The following UNC119B variants were observed in gnomAD, a reference collection of about 807,000 sequenced individuals.
UNC119B encodes unc-119 lipid binding chaperone B, also known as protein unc-119 homolog B.
In UNC119B, 16 loss-of-function variants were observed where a neutral mutation model predicts 23.4. The observed-to-expected ratio is 0.68, with a 90% CI of 0.46 to 1.04. The LOEUF (loss-of-function observed/expected upper bound fraction) is 1.04, where lower values mean the gene tolerates loss of function less well. Ranked by LOEUF, UNC119B falls within the 50% of genes least tolerant of loss-of-function variation. UNC119B has a pLI of 0.00. For missense variants in UNC119B, 350 were observed against 361.3 expected (o/e 0.97, Z 0.25); for synonymous variants, 144 against 145.4 (o/e 0.99, Z 0.07).
At chr12:120,715,550 T>G (rs1175089674) in intron 2 of UNC119B, among the ~76,000 whole-genome samples, 10 of 68,946 alleles carry the variant, frequency 1.5e-4, no homozygotes, top group African/African-American at 5.3e-4. Flanking sequence ...TTTTTTTTTT[T>G]GAGACGGAGT....
rs961316820 is a variant in UNC119B at position 120,723,384 on chromosome 12, G to A, written c.*3352G>A. ...CCTCAAGAAGGATTTGGTGGAGGTGGATTTACCACTGGTTTTACAAAGGAC... is the reference window on the plus strand; with the variant it reads ...CCTCAAGAAGGATTTGGTGGAGGTGAATTTACCACTGGTTTTACAAAGGAC... On this transcript the variant is annotated 3_prime_UTR_variant, in exon 5 of 5. Transcript: ENST00000344651. The A allele has an allele frequency of 2.0e-5, 3 of 152,838 alleles. No homozygotes were observed. Among genetic ancestry groups the A allele is most frequent in the African/African-American group, 7.2e-5 (3 of 41,436 alleles). The allele number at this position is 152,838 out of a possible 1,614,324, so 9.5% of individuals were successfully genotyped here. A position where few individuals can be genotyped will look rare whatever the true frequency, so the allele number is the denominator to read the frequency against.
intron 4 of UNC119B, among the ~76,000 whole-genome samples, chr12:120,717,565 T>G (rs1470176344): frequency 6.6e-6 from 1 of 151,070 alleles, no homozygotes; most frequent in Non-Finnish European, 1.5e-5. Context: ...CCCTTTTGTT[T>G]TTTTCTTTTT....
rs1882634778 is a variant in UNC119B, at chr12:120,710,506, C to A, written c.32C>A (p.Ala11Glu). Residue 11 changes from alanine (A) to glutamate (E), a missense_variant, in exon 1 of 5, where the codon GCG becomes GAG. By Grantham distance (107) the Ala-to-Glu change is moderately radical. Transcript: ENST00000344651. MSGSNPKAAA[A>E]ASAAGPGGLV... is the part of the protein sequence containing the mutation. ...GGGTCTAACCCGAAGGCTGCGGCCGCGGCGTCGGCGGCTGGGCCCGGGGGG... is the reference window on the plus strand; with the variant it reads ...GGGTCTAACCCGAAGGCTGCGGCCGAGGCGTCGGCGGCTGGGCCCGGGGGG... 2 of 1,355,838 alleles carry A rather than the reference C, an allele frequency of 1.5e-6. No individual in the cohort carries two copies. The highest frequency in any genetic ancestry group is 3.8e-5 in the Admixed American group (1 of 26,484). The allele number at this position is 1,355,838 out of a possible 1,614,324, so 84.0% of individuals were successfully genotyped here. A position where few individuals can be genotyped will look rare whatever the true frequency, so the allele number is the denominator to read the frequency against.
intron 2 of UNC119B, among the ~76,000 whole-genome samples, chr12:120,714,160 T>C (rs1882723069): frequency 6.6e-6 from 1 of 152,152 alleles, no homozygotes; most frequent in Admixed American, 6.5e-5. Flanking sequence ...TACTTTGCAG[T>C]GTTTCTCATC....
At chr12:120,712,956 G>A (rs1419105265) in intron 1 of UNC119B, among the ~76,000 whole-genome samples, 1 of 152,182 alleles carries the variant, frequency 6.6e-6, no homozygotes, top group South Asian at 2.1e-4. Context: ...TAAAAAGTTC[G>A]CCCTGTTCTG....
At position 120,722,996 on chromosome 12, in the gene UNC119B, G is replaced by C. The variant is rs919748695; in HGVS notation, c.*2964G>C. Reference sequence around the variant, plus strand: ...CCATAAACTGGAAATTTGTGAAATGGCAGTGATTGGGCAATCTTCAGTTTA... The same window carrying C: ...CCATAAACTGGAAATTTGTGAAATGCCAGTGATTGGGCAATCTTCAGTTTA... On this transcript the variant is annotated 3_prime_UTR_variant, in exon 5 of 5. Coordinates refer to ENST00000344651, the MANE Select transcript of UNC119B (RefSeq NM_001080533.3). The C allele has an allele frequency of 6.6e-6, 1 of 152,400 alleles. No homozygotes were observed. Among genetic ancestry groups the C allele is most frequent in the African/African-American group, 2.4e-5 (1 of 41,444 alleles). 9.4% of individuals were successfully genotyped at this position (152,400 alleles called of 1,614,324 possible).
In UNC119B at chr12:120,722,350, G is replaced by C. The variant is rs932685293; in HGVS notation, c.*2318G>C. On this transcript the variant is annotated 3_prime_UTR_variant, in exon 5 of 5. Transcript: ENST00000344651. ...TCTGTATCTGGGGCTGTGGGTTCCT[G>C]TGTCTAGCTGCTCAGGAAATCTTGA... 2 of 152,438 alleles carry C rather than the reference G, an allele frequency of 1.3e-5. No homozygotes were observed. The highest frequency in any genetic ancestry group is 2.4e-5 in the African/African-American group (1 of 41,476). 9.4% of individuals were successfully genotyped at this position (152,438 alleles called of 1,614,324 possible). A position where few individuals can be genotyped will look rare whatever the true frequency, so the allele number is the denominator to read the frequency against.
Position 120,710,656 on chromosome 12 carries a change from A to T in UNC119B, c.182A>T (p.Glu61Val). 6.9e-7 allele frequency: 1 copy of T among 1,451,638 alleles called. No individual in the cohort carries two copies. Among genetic ancestry groups the T allele is most frequent in the South Asian group, 1.3e-5 (1 of 75,618 alleles). 89.9% of individuals were successfully genotyped at this position (1,451,638 alleles called of 1,614,324 possible). Residue 61 changes from glutamate (E) to valine (V), a missense_variant, in exon 1 of 5, where the codon GAG (glutamate) becomes GTG (valine). Physicochemically the swap from Glu to Val is moderately radical, Grantham distance 121 (BLOSUM62 -2). Coordinates refer to ENST00000344651, the MANE Select transcript of UNC119B (RefSeq NM_001080533.3). ...GTCGGGGCAGCGGTCACGGAGCAGG[A>T]GCTGCTGGCGCTGGACACCATCCGG... ...DGVGAAVTEQ[E>V]LLALDTIRPE... is the part of the protein sequence containing the mutation.
Position 120,720,073 on chromosome 12 carries a change from A to G in UNC119B, c.*41A>G, listed in dbSNP as rs1270090644. On this transcript the variant is annotated 3_prime_UTR_variant, in exon 5 of 5. Transcript: ENST00000344651. ...ATAGGGGAGGTGCTTTGCCGCGGCC[A>G]CAAGATCCTGGCACACGGAGATGAT... 6.9e-7 allele frequency: 1 copy of G among 1,450,002 alleles called. No homozygotes were observed. The highest frequency in any genetic ancestry group is 1.4e-5 in the African/African-American group (1 of 71,424). 89.8% of individuals were successfully genotyped at this position (1,450,002 alleles called of 1,614,324 possible).
chr12:120,713,888 A>G (rs1882718543), intron 2 of UNC119B, among the ~76,000 whole-genome samples: 1 of 152,126 alleles, frequency 6.6e-6, no homozygotes, highest in South Asian at 2.1e-4. Flanking sequence ...GCTCTCTTTT[A>G]CATATTGCCT....
chr12:120,712,799 G>A (rs976093638), intron 1 of UNC119B, among the ~76,000 whole-genome samples: 1 of 152,126 alleles, frequency 6.6e-6, no homozygotes, highest in Non-Finnish European at 1.5e-5. Context: ...ACCATGTGGC[G>A]GCAAAGCCTA....
chr12:120,719,788 T>G, intron 4 of UNC119B, 132 bp from the exon 5 acceptor site: 1 of 644,156 alleles, frequency 1.6e-6, no homozygotes, highest in Non-Finnish European at 2.8e-6. Flanking sequence ...GACCTCATCG[T>G]TATTCTGGCA....
In UNC119B at chr12:120,710,582, C is replaced by T; in HGVS notation, c.108C>T (p.Asn36=). The change falls in exon 1 of 5, where the codon AAC becomes AAT. Residue 36 remains asparagine, a synonymous_variant. Transcript: ENST00000344651. ...EKKKAGGGVL[N]RLKARRQAPH... The stretch of plus-strand genomic sequence containing the variant: ...AGAAGGCGGGCGGCGGCGTCCTGAA[C>T]CGCCTGAAGGCGCGGCGGCAGGCGC... The T allele has an allele frequency of 7.0e-7, 1 of 1,421,944 alleles. No homozygotes were observed. The highest frequency in any genetic ancestry group is 9.1e-7 in the Non-Finnish European group (1 of 1,093,584). 88.1% of individuals were successfully genotyped at this position (1,421,944 alleles called of 1,614,324 possible). A position where few individuals can be genotyped will look rare whatever the true frequency, so the allele number is the denominator to read the frequency against.
intron 4 of UNC119B, among the ~76,000 whole-genome samples, chr12:120,718,098 G>C (rs1385242633): frequency 1.3e-5 from 2 of 152,136 alleles, no homozygotes; most frequent in African/African-American, 4.8e-5. Flanking sequence ...CCAATCTCCT[G>C]ACCTCGTGAT....
At chr12:120,716,817 GGCTTTA>G (rs1456328769) in intron 3 of UNC119B, 47 bp from the exon 4 acceptor site, 1 of 1,604,960 alleles carries the variant, frequency 6.2e-7, no homozygotes, top group Non-Finnish European at 8.5e-7. Flanking sequence ...GTTTTGGGTT[GGCTTTA>G]GAGGAGGGAG....
chr12:120,710,859 C>G (rs1305869635), intron 1 of UNC119B, 141 bp downstream of exon 1: 2 of 825,844 alleles, frequency 2.4e-6, no homozygotes, highest in African/African-American at 3.6e-5. Context: ...GCTGCCCCGC[C>G]GGCCGGGCTT....
intron 2 of UNC119B, 58 bp downstream of exon 2, chr12:120,713,445 T>A (rs1882710515): frequency 1.5e-6 from 2 of 1,340,010 alleles, no homozygotes; most frequent in South Asian, 2.4e-5. Context: ...TCTTTGAAAC[T>A]CAAATCTTTG....
chr12:120,714,427 T>G (rs1882728050), intron 2 of UNC119B, among the ~76,000 whole-genome samples: 1 of 152,114 alleles, frequency 6.6e-6, no homozygotes. Context: ...TTCAAGAGCT[T>G]CTCCTGCCTC....
Position 120,720,020 on chromosome 12 carries a change from T to A in UNC119B, c.744T>A (p.Asn248Lys). The A allele has an allele frequency of 6.2e-7, 1 of 1,613,160 alleles. No individual in the cohort carries two copies. Among genetic ancestry groups the A allele is most frequent in the Non-Finnish European group, 8.5e-7 (1 of 1,179,146 alleles). ...ACAACAAGGCTGATTATGCCTATAA[T>A]GGAGGCCAGTAAGTGCTGCAAGAGT... ...IMHNKADYAY[N>K]GGQ is the part of the protein sequence containing the mutation. Residue 248 changes from asparagine to lysine, a missense_variant, in exon 5 of 5, where the codon AAT becomes AAA. Physicochemically the swap from Asn to Lys is moderately conservative, Grantham distance 94. Coordinates refer to ENST00000344651, the MANE Select transcript of UNC119B (RefSeq NM_001080533.3).
Sources: allele counts gnomAD v4.1 joint callset (sites outside exome capture counted in the v4.1 genomes callset), GRCh38; gene constraint gnomAD v4.1.1; transcripts MANE v1.5; gene names NCBI Gene and HGNC (gene_info 2026-07-23, HGNC 2026-07-21).